CRYBG2: variants seen among roughly 807,000 people sequenced by gnomAD.
CRYBG2 encodes the protein crystallin beta-gamma domain containing 2, also known as beta/gamma crystallin domain-containing protein 2.
A neutral mutation model predicts 153.4 loss-of-function variants in CRYBG2; 106 were observed. That is an observed-to-expected ratio of 0.69 (90% CI 0.59 to 0.81). The LOEUF is 0.81. Among genes scored for constraint, CRYBG2 ranks in the 30% least tolerant of loss-of-function variants. The pLI, the probability that CRYBG2 is intolerant of heterozygous loss-of-function variation, is 0.00. For missense variants in CRYBG2, 1,996 were observed against 2,112.0 expected, an observed-to-expected ratio of 0.95 and a Z score of 1.08; for synonymous variants, 851 against 877.8, an observed-to-expected ratio of 0.97 and a Z score of 0.54.
At chr1:26,339,238 A>C (rs1423207155) in intron 6 of CRYBG2, 52 bp downstream of exon 6, 2 of 1,583,690 alleles carry the variant, frequency 1.3e-6, no homozygotes, top group Non-Finnish European at 1.7e-6. Context: ...TGTCCCCAGC[A>C]CCCAGCACAG....
chr1:26,342,980 C>T, intron 4 of CRYBG2, 67 bp downstream of exon 4: 1 of 1,545,548 alleles, frequency 6.5e-7, no homozygotes, highest in Non-Finnish European at 8.7e-7. Context: ...GGACTGGTCA[C>T]TCCTCACTCC....
chr1:26,343,168 G>C lies in CRYBG2; in HGVS notation c.2962-9C>G, dbSNP rs41285433. The C allele has an allele frequency of 5.2e-4, 807 of 1,550,574 alleles. 1 individual carries two copies. Among genetic ancestry groups the C allele is most frequent in the Non-Finnish European group, 6.7e-4 (774 of 1,146,948 alleles). The stretch of plus-strand genomic sequence containing the variant: ...TCTGAGAAGAAGATCACCTGAGAAG[G>C]CACAGAAGGGGTCCTCAGGCCCTGA... On this transcript the variant is annotated splice_polypyrimidine_tract_variant and intron_variant, in intron 3 of 19. Coordinates refer to ENST00000308182, the MANE Select transcript of CRYBG2 (RefSeq NM_001039775.4). This position sits in a 1 kb window ranked among gnomAD's most constrained non-coding sequence, Gnocchi z 4.1.
intron 18 of CRYBG2, 77 bp downstream of exon 18, chr1:26,324,075 T>C (rs1307206067): frequency 3.4e-6 from 5 of 1,490,414 alleles, no homozygotes; most frequent in African/African-American, 1.4e-5. Flanking sequence ...GTGTTCCTGA[T>C]TGGGCTGGGA....
intron 15 of CRYBG2, among the ~76,000 whole-genome samples, chr1:26,329,479 ATTT>A (rs34287969): frequency 1.5e-4 from 21 of 139,568 alleles, no homozygotes; most frequent in Non-Finnish European, 1.5e-4. Context: ...CGCAGCTTAG[ATTT>A]TTTTTTTTTT....
intron 1 of CRYBG2, among the ~76,000 whole-genome samples, chr1:26,347,276 C>T (rs1464615356): frequency 6.7e-6 from 1 of 150,122 alleles, no homozygotes; most frequent in Non-Finnish European, 1.5e-5. Context: ...AATGAAACCT[C>T]CCCCTGCGTT....
At chr1:26,327,352 C>T (rs1301720423) in intron 17 of CRYBG2, among the ~76,000 whole-genome samples, 1 of 152,078 alleles carries the variant, frequency 6.6e-6, no homozygotes, top group Admixed American at 6.6e-5. Flanking sequence ...CCTGTAATCC[C>T]AGCTACTTGG....
intron 1 of CRYBG2, among the ~76,000 whole-genome samples, chr1:26,347,186 T>G (rs1021651734): frequency 6.6e-6 from 1 of 151,348 alleles, no homozygotes; most frequent in African/African-American, 2.4e-5. Flanking sequence ...AGTTGCTCAC[T>G]AACTGGCCAT....
chr1:26,343,778 C>T lies in CRYBG2; in HGVS notation c.2880G>A (p.Glu960=). The change falls in exon 2 of 20, where the codon GAG becomes GAA. Residue 960 remains glutamate, a synonymous_variant. Coordinates refer to ENST00000308182, the MANE Select transcript of CRYBG2 (RefSeq NM_001039775.4). This position sits in a 1 kb window ranked among gnomAD's most constrained non-coding sequence, Gnocchi z 4.1. The part of the protein sequence containing the change: ...LLCSERSSPT[E]KLACSLPLEG... ...CCAGGGGCAGGGAACAGGCAAGCTT[C>T]TCCGTTGGGGATGATCTTTCACTGC... 1 of 1,449,174 alleles carries T rather than the reference C, an allele frequency of 6.9e-7. No individual in the cohort carries two copies. The highest frequency in any genetic ancestry group is 9.1e-7 in the Non-Finnish European group (1 of 1,098,402). 89.8% of individuals were successfully genotyped at this position (1,449,174 alleles called of 1,614,324 possible).
chr1:26,324,504 T>TCTCA (rs916888706), intron 17 of CRYBG2, among the ~76,000 whole-genome samples, 194 bp from the exon 18 acceptor site: 36 of 126,584 alleles, frequency 2.8e-4, no homozygotes, highest in Admixed American at 2.7e-3. Flanking sequence ...TCTCTCTCTC[T>TCTCA]CACACACACA....
intron 16 of CRYBG2, 109 bp downstream of exon 16, chr1:26,328,625 G>T (rs1029050914): frequency 1.4e-6 from 2 of 1,454,748 alleles, no homozygotes; most frequent in Admixed American, 2.2e-5. Flanking sequence ...GGAGGGGAGT[G>T]GGGGAAAAGT....
intron 1 of CRYBG2, among the ~76,000 whole-genome samples, chr1:26,350,502 C>A (rs983032182): frequency 3.3e-5 from 5 of 152,182 alleles, no homozygotes; most frequent in Admixed American, 1.3e-4. Context: ...CATACCTTCC[C>A]ATTTTGCAGA....
At chr1:26,328,683 G>A in intron 16 of CRYBG2, 51 bp downstream of exon 16, 1 of 1,580,242 alleles carries the variant, frequency 6.3e-7, no homozygotes, top group Non-Finnish European at 8.6e-7. Flanking sequence ...GTCTTGCCAT[G>A]ACTCATCCCC....
rs758313507 is a variant in CRYBG2, at chr1:26,342,851, C to A, written c.3107G>T (p.Gly1036Val). ...TCCTTCAGGCAGGACCAGCTTCTGA[C>A]CCCGGAACTCTGGCTCTTCGTACAG... ...WVLYEEPEFR[G>V]QKLVLPEGDM... is the part of the protein sequence containing the mutation. The change falls in exon 5 of 20, where the codon GGT (glycine) becomes GTT (valine). Residue 1036 changes from glycine to valine, a missense_variant. By Grantham distance (109) the Gly-to-Val change is moderately radical (BLOSUM62 -3). Coordinates refer to ENST00000308182, the MANE Select transcript of CRYBG2 (RefSeq NM_001039775.4). The A allele has an allele frequency of 6.2e-7, 1 of 1,614,172 alleles. No homozygotes were observed. Among genetic ancestry groups the A allele is most frequent in the Admixed American group, 1.7e-5 (1 of 60,020 alleles).
intron 1 of CRYBG2, among the ~76,000 whole-genome samples, chr1:26,351,671 C>G (rs1244740458): frequency 6.6e-6 from 1 of 152,190 alleles, no homozygotes; most frequent in Non-Finnish European, 1.5e-5. Flanking sequence ...TCTTTCTCAA[C>G]CAGCCCAACC....
chr1:26,337,819 T>C, intron 8 of CRYBG2, 145 bp from the exon 9 acceptor site: 1 of 1,331,802 alleles, frequency 7.5e-7, no homozygotes, highest in Non-Finnish European at 1.0e-6. Context: ...CCAATTCCTA[T>C]CTCTACTCTG....
chr1:26,346,663 GC>G lies in CRYBG2; in HGVS notation c.-7del. On this transcript the variant is annotated 5_prime_UTR_variant, in exon 2 of 20. Coordinates refer to ENST00000308182, the MANE Select transcript of CRYBG2 (RefSeq NM_001039775.4). This position sits in a 1 kb window ranked among gnomAD's most constrained non-coding sequence, Gnocchi z 4.9. ...GGCCCACCTGCCTCCTCCATGTGGG[GC>G]CCTGGCAACCTGTCTGGAGGTGTCC... is the stretch of plus-strand genomic sequence containing the variant. 6.5e-7 allele frequency: 1 copy of G among 1,527,830 alleles called. No homozygotes were observed. The highest frequency in any genetic ancestry group is 8.8e-7 in the Non-Finnish European group (1 of 1,134,562). 94.6% of individuals were successfully genotyped at this position (1,527,830 alleles called of 1,614,324 possible).
rs1557720027 is a variant in CRYBG2 at position 26,346,310 on chromosome 1, C to A, written c.348G>T (p.Glu116Asp). ...GGCTGCCATCACTCTGGTCCACAGC[C>A]TCCTTCAGCCTCCCCTCAGGCCTTT... ...KEKRPEGRLK[E>D]AVDQSDGSRQ... The change falls in exon 2 of 20, where the codon GAG (glutamate) becomes GAT (aspartate). Residue 116 changes from glutamate (E) to aspartate (D), a missense_variant. Transcript: ENST00000308182. The surrounding 1 kb of genome is among the most constrained non-coding windows in gnomAD (Gnocchi z 4.9). The A allele has an allele frequency of 6.3e-7, 1 of 1,599,000 alleles. No individual in the cohort carries two copies. Among genetic ancestry groups the A allele is most frequent in the Non-Finnish European group, 8.5e-7 (1 of 1,179,596 alleles).
Position 26,336,562 on chromosome 1 carries a change from G to T in CRYBG2, c.4038+44C>A. ...GGGGCGGGGCGCACCCGAACTCCAG[G>T]TCCCGCCACCGGGGAGGCCCCGCCC... On this transcript the variant is annotated intron_variant, in intron 12 of 19. Coordinates refer to ENST00000308182, the MANE Select transcript of CRYBG2 (RefSeq NM_001039775.4). The surrounding 1 kb of genome is among the most constrained non-coding windows in gnomAD (Gnocchi z 4.9). The T allele has an allele frequency of 6.5e-7, 1 of 1,540,368 alleles. No homozygotes were observed. The highest frequency in any genetic ancestry group is 1.2e-5 in the South Asian group (1 of 83,320).
At position 26,336,836 on chromosome 1, in the gene CRYBG2, C is replaced by T. The variant is rs1218060251; in HGVS notation, c.3911+5G>A. ...CGCCCCGCTCCCGGAGCCCGGGTCA[C>T]TTACACGCCGCTGAGCACGTGGATG... On this transcript the variant is annotated splice_donor_5th_base_variant and intron_variant, in intron 11 of 19. Coordinates refer to ENST00000308182, the MANE Select transcript of CRYBG2 (RefSeq NM_001039775.4). This position sits in a 1 kb window ranked among gnomAD's most constrained non-coding sequence, Gnocchi z 4.9. The T allele has an allele frequency of 6.3e-7, 1 of 1,586,936 alleles. No homozygotes were observed. Among genetic ancestry groups the T allele is most frequent in the Non-Finnish European group, 8.6e-7 (1 of 1,168,038 alleles).
Sources: allele counts gnomAD v4.1 joint callset (sites outside exome capture counted in the v4.1 genomes callset), GRCh38; gene constraint gnomAD v4.1.1; non-coding constraint Gnocchi (gnomAD v3.1); transcripts MANE v1.5; gene names NCBI Gene and HGNC (gene_info 2026-07-23, HGNC 2026-07-21).